The following COMMD1 variants were observed in gnomAD, a reference collection of about 807,000 sequenced individuals.
COMMD1 encodes the protein COMM domain-containing protein 1.
COMMD1 carries 10 observed loss-of-function variants against 17.2 expected under a neutral mutation model. The ratio of observed to expected loss-of-function variants is 0.58; its 90% CI spans 0.36 to 0.99. COMMD1 has a LOEUF of 0.99. Among genes scored for constraint, COMMD1 ranks in the 50% least tolerant of loss-of-function variants. COMMD1 has a pLI of 0.01. For synonymous variants in COMMD1, 97 were observed against 91.6 expected, an observed-to-expected ratio of 1.06 and a Z score of -0.34; for missense variants, 270 against 231.8, an observed-to-expected ratio of 1.17 and a Z score of -1.07.
At chr2:62,102,043 C>T (rs977287692) in intron 2 of COMMD1, among the ~76,000 whole-genome samples, 7 of 152,142 alleles carry the variant, frequency 4.6e-5, no homozygotes, top group African/African-American at 1.7e-4. Context: ...ATCTAGGGGC[C>T]CCCAGCCACC....
chr2:62,116,260 T>C (rs1310118433), intron 2 of COMMD1, among the ~76,000 whole-genome samples: 2 of 152,246 alleles, frequency 1.3e-5, no homozygotes, highest in Non-Finnish European at 2.9e-5. Flanking sequence ...CTAAGGCATC[T>C]CAGCCAGGAC....
At chr2:62,108,795 A>G (rs1672381012) in intron 2 of COMMD1, among the ~76,000 whole-genome samples, 1 of 152,240 alleles carries the variant, frequency 6.6e-6, no homozygotes. Context: ...TTCCATTTAT[A>G]GTAGACCTAG....
At chr2:62,060,333 A>AAAAT (rs1258586332) in intron 2 of COMMD1, among the ~76,000 whole-genome samples, 3 of 152,174 alleles carry the variant, frequency 2.0e-5, no homozygotes, top group East Asian at 1.9e-4. Context: ...GCTGTCTCCA[A>AAAAT]AAATAAATAA....
intron 1 of COMMD1, among the ~76,000 whole-genome samples, chr2:61,948,497 G>A (rs1011845801): frequency 1.3e-5 from 2 of 152,128 alleles, no homozygotes; most frequent in Non-Finnish European, 2.9e-5. Context: ...AATATCACAT[G>A]TGCATAATAT....
chr2:61,899,033 ACT>A (rs1414743877), intron 1 of COMMD1, among the ~76,000 whole-genome samples: 1 of 152,144 alleles, frequency 6.6e-6, no homozygotes, highest in East Asian at 1.9e-4. Flanking sequence ...GTTATTGCTC[ACT>A]CTGATATTTT....
intron 2 of COMMD1, among the ~76,000 whole-genome samples, chr2:62,049,705 G>A (rs1178288234): frequency 3.3e-5 from 5 of 152,170 alleles, no homozygotes; most frequent in South Asian, 2.1e-4. Context: ...CTGCAATATC[G>A]TACCATCTTA....
At chr2:61,970,329 A>G (rs929196250) in intron 1 of COMMD1, among the ~76,000 whole-genome samples, 2 of 152,058 alleles carry the variant, frequency 1.3e-5, no homozygotes, top group Admixed American at 6.6e-5. Context: ...CATTTTAAAA[A>G]ATTATTAAAA....
chr2:62,065,713 G>T (rs539346825), intron 2 of COMMD1, among the ~76,000 whole-genome samples: 14 of 152,264 alleles, frequency 9.2e-5, no homozygotes, highest in African/African-American at 3.1e-4. Context: ...GATCATGAAG[G>T]TATGATGTTT....
At chr2:61,981,283 G>A (rs556349150) in intron 1 of COMMD1, among the ~76,000 whole-genome samples, 1 of 152,268 alleles carries the variant, frequency 6.6e-6, no homozygotes, top group African/African-American at 2.4e-5. Context: ...ATAGTTTGAG[G>A]TCCTAGATTT....
chr2:62,002,327 C>T (rs1668968476), intron 2 of COMMD1, among the ~76,000 whole-genome samples: 1 of 149,106 alleles, frequency 6.7e-6, no homozygotes, highest in East Asian at 2.0e-4. Context: ...CTTGTCTCTA[C>T]TAAAAACACA....
intron 2 of COMMD1, among the ~76,000 whole-genome samples, chr2:62,095,860 CCT>C (rs1336127852): frequency 1.0e-5 from 1 of 98,782 alleles, no homozygotes; most frequent in African/African-American, 5.1e-5. Context: ...TATATATAAC[CCT>C]GTGTGTATAT....
At chr2:61,919,081 G>A (rs982617378) in intron 1 of COMMD1, among the ~76,000 whole-genome samples, 3 of 151,178 alleles carry the variant, frequency 2.0e-5, no homozygotes, top group Admixed American at 1.3e-4. Context: ...GTGTGATCTC[G>A]GCTCACCGAA....
At position 62,135,304 on chromosome 2, in the gene COMMD1, G is replaced by T. The variant is rs895023534; in HGVS notation, c.463-527G>T. ...CATATGCCTCCTAGTGAGAACATCT[G>T]ACATTTGTACGCCTCTTATTTATCA... is the stretch of plus-strand genomic sequence containing the variant. On this transcript the variant is annotated intron_variant, in intron 2 of 2. Transcript: ENST00000311832. 4.6e-5 allele frequency among the ~76,000 whole-genome samples: 7 copies of T among 151,832 alleles called. No individual in the cohort carries two copies. The East Asian group carries it at 1.4e-3, about 29-fold the overall frequency.
upstream of COMMD1, among the ~76,000 whole-genome samples, chr2:61,902,454 C>T (rs149433459): frequency 4.6e-5 from 7 of 150,982 alleles, no homozygotes; most frequent in South Asian, 2.1e-4. Context: ...TGTGGTGAGC[C>T]GAGATCATGC....
At chr2:61,974,459 G>A (rs988825366) in intron 1 of COMMD1, among the ~76,000 whole-genome samples, 3 of 151,654 alleles carry the variant, frequency 2.0e-5, no homozygotes. Context: ...GGATCACTAG[G>A]TCAGGAGTTC....
At chr2:61,896,945 TC>T (rs879670020) in intron 1 of COMMD1, among the ~76,000 whole-genome samples, 1 of 151,984 alleles carries the variant, frequency 6.6e-6, no homozygotes, top group Non-Finnish European at 1.5e-5. Flanking sequence ...TTCTCATGGT[TC>T]AGCCTCCCGA....
intron 1 of COMMD1, among the ~76,000 whole-genome samples, chr2:61,899,033 A>G (rs776343285): frequency 1.3e-5 from 2 of 152,144 alleles, no homozygotes; most frequent in Admixed American, 6.6e-5. Context: ...GTTATTGCTC[A>G]CTCTGATATT....
At chr2:61,968,796 A>T (rs1259106306) in intron 1 of COMMD1, among the ~76,000 whole-genome samples, 1 of 152,098 alleles carries the variant, frequency 6.6e-6, no homozygotes, top group Non-Finnish European at 1.5e-5. Context: ...GAGCTCAAGC[A>T]GTCCATTTGC....
intron 1 of COMMD1, among the ~76,000 whole-genome samples, chr2:61,892,614 A>AGGTCAGGAGTTCGAG (rs1446615418): frequency 6.6e-6 from 1 of 151,574 alleles, no homozygotes; most frequent in African/African-American, 2.4e-5. Flanking sequence ...GGATCGCTTG[A>AGGTCAGGAGTTCGAG]ACCTGGGAGG....
Sources: gnomAD v4.1 joint callset for allele counts (sites outside exome capture counted in the v4.1 genomes callset) on GRCh38, gnomAD v4.1.1 for gene constraint, MANE v1.5 for transcripts, NCBI Gene and HGNC (gene_info 2026-07-23, HGNC 2026-07-21) for gene names.